Variants in MLC1 observed in about 807,000 individuals in gnomAD.
The protein encoded by MLC1 is membrane protein MLC1.
In MLC1, 32 loss-of-function variants were observed where a neutral mutation model predicts 44.7. The observed-to-expected ratio is 0.72, with a 90% CI of 0.54 to 0.96. The LOEUF is 0.96. Ranked by LOEUF, MLC1 falls within the 40% of genes least tolerant of loss-of-function variation. MLC1 has a pLI of 0.00. For synonymous variants in MLC1, 190 were observed against 213.0 expected (o/e 0.89, Z 0.94); for missense variants, 459 against 492.2 (o/e 0.93, Z 0.64).
rs781290681 is a variant in MLC1 at position 50,076,832 on chromosome 22, T to A, written c.597+9A>T. The stretch of plus-strand genomic sequence containing the variant: ...TGAGAGAAAAGAGAAAGAAGGGAAG[T>A]TTTCTTACTGAGTAAGATTTCAGGA... On this transcript the variant is annotated intron_variant, in intron 7 of 11. Coordinates refer to ENST00000311597, the MANE Select transcript of MLC1 (RefSeq NM_015166.4). 24 of 1,612,784 alleles carry A rather than the reference T, an allele frequency of 1.5e-5. No homozygotes were observed. The highest frequency in any genetic ancestry group is 2.0e-5 in the Non-Finnish European group (23 of 1,178,964).
intron 4 of MLC1, 117 bp downstream of exon 4, chr22:50,080,227 C>A: frequency 7.4e-7 from 1 of 1,359,626 alleles, no homozygotes; most frequent in Non-Finnish European, 1.0e-6. Context: ...ACCTCGGGGG[C>A]CCCTCTCGGT....
intron 10 of MLC1, 38 bp downstream of exon 10, chr22:50,068,395 C>T: frequency 6.2e-7 from 1 of 1,609,750 alleles, no homozygotes. Context: ...CGCAGAGCAC[C>T]ACATGTCTGG....
In MLC1 at chr22:50,080,365, G is replaced by C; in HGVS notation, c.300C>G (p.Val100=). 1 of 1,608,200 alleles carries C rather than the reference G, an allele frequency of 6.2e-7. No individual in the cohort carries two copies. Among genetic ancestry groups the C allele is most frequent in the East Asian group, 2.2e-5 (1 of 44,588 alleles). The change falls in exon 4 of 12, where the codon GTC becomes GTG. Residue 100 remains valine (V), a synonymous_variant. Coordinates refer to ENST00000311597, the MANE Select transcript of MLC1 (RefSeq NM_015166.4). ...CIPSAIVSFT[V]SRRNANVIPN... is the part of the protein sequence containing the mutation. The stretch of plus-strand genomic sequence containing the variant: ...TCACCACATTGGCGTTCCTCCTGGA[G>C]ACGGTGAAGCTCACAATTGCCGAGG...
At position 50,083,325 on chromosome 22, in the gene MLC1, G is replaced by C; in HGVS notation, c.178-152C>G. ...CCCGCACCTGGGACCCGCCCATCCTGGACTCCTCCTGTAGGACAGACGCAG... is the reference window on the plus strand; with the variant it reads ...CCCGCACCTGGGACCCGCCCATCCTCGACTCCTCCTGTAGGACAGACGCAG... On this transcript the variant is annotated intron_variant, in intron 2 of 11. Coordinates refer to ENST00000311597, the MANE Select transcript of MLC1 (RefSeq NM_015166.4). The surrounding 1 kb of genome is among the most constrained non-coding windows in gnomAD (Gnocchi z 4.6). 1.4e-6 allele frequency: 1 copy of C among 729,066 alleles called. No individual in the cohort carries two copies. The highest frequency in any genetic ancestry group is 2.4e-6 in the Non-Finnish European group (1 of 415,542). 45.2% of individuals were successfully genotyped at this position (729,066 alleles called of 1,614,324 possible).
At chr22:50,061,705 G>A (rs762746384) in intron 11 of MLC1, 48 bp from the exon 12 acceptor site, 28 of 1,559,168 alleles carry the variant, frequency 1.8e-5, no homozygotes, top group Middle Eastern at 1.7e-4. Context: ...CCACCTGTGC[G>A]GCGGGAAGGT....
At chr22:50,068,604 C>G (rs1397897156) in intron 9 of MLC1, 49 bp from the exon 10 acceptor site, 1 of 1,580,680 alleles carries the variant, frequency 6.3e-7, no homozygotes, top group Admixed American at 1.7e-5. Context: ...CCTGGGAGCC[C>G]AGGACAGCGG....
intron 3 of MLC1, 30 bp from the exon 4 acceptor site, chr22:50,080,427 G>A (rs761614543): frequency 3.2e-6 from 5 of 1,586,688 alleles, no homozygotes; most frequent in African/African-American, 1.3e-5. Flanking sequence ...CCATGAGCCT[G>A]CCGCTCACCT....
intron 9 of MLC1, 112 bp downstream of exon 9, chr22:50,070,415 C>T: frequency 9.4e-7 from 1 of 1,066,376 alleles, no homozygotes; most frequent in Non-Finnish European, 1.4e-6. Context: ...GCAGCCCAGT[C>T]ACTGCGCTCT....
intron 5 of MLC1, among the ~76,000 whole-genome samples, chr22:50,078,470 G>A (rs757066685): frequency 1.3e-5 from 2 of 151,658 alleles, no homozygotes; most frequent in African/African-American, 2.4e-5. Context: ...AGAGGGAGGC[G>A]GCTCACGCCT....
At chr22:50,067,971 C>CA (rs1364880546) in intron 10 of MLC1, among the ~76,000 whole-genome samples, 1 of 118,394 alleles carries the variant, frequency 8.4e-6, no homozygotes, top group East Asian at 2.3e-4. Flanking sequence ...AACAAAAAAA[C>CA]AAAAAAACAC....
At chr22:50,077,648 C>T (rs1239383055) in intron 5 of MLC1, 146 bp from the exon 6 acceptor site, 4 of 705,862 alleles carry the variant, frequency 5.7e-6, no homozygotes, top group African/African-American at 1.7e-5. Flanking sequence ...AGCTGTGAGG[C>T]ACTGTGGGCT....
intron 8 of MLC1, among the ~76,000 whole-genome samples, chr22:50,071,603 G>A (rs140070162): frequency 7.0e-4 from 106 of 152,282 alleles, no homozygotes; most frequent in African/African-American, 2.5e-3. Context: ...TGAGCCTTGG[G>A]GAGCCTCGGA....
At position 50,076,785 on chromosome 22, in the gene MLC1, C is replaced by T. The variant is rs1001969301; in HGVS notation, c.597+56G>A. The T allele has an allele frequency of 1.6e-5, 25 of 1,578,738 alleles. No individual in the cohort carries two copies. The African/African-American group carries it at 2.4e-4, about 15-fold the overall frequency. ...ATCGAAACGTGACGTTTAATCCAGC[C>T]TCAGTCACCCCCGACAGAGTATGAG... On this transcript the variant is annotated intron_variant, in intron 7 of 11. Coordinates refer to ENST00000311597, the MANE Select transcript of MLC1 (RefSeq NM_015166.4).
intron 10 of MLC1, among the ~76,000 whole-genome samples, chr22:50,066,017 A>G (rs2294385): frequency 0.93 from 140,969 of 152,202 alleles, 65,330 homozygotes; most frequent in African/African-American, 0.95. Context: ...TCGAGAAAAC[A>G]CCAGGATAAA....
upstream of MLC1, chr22:50,085,559 G>A (rs2062260479): frequency 6.4e-6 from 1 of 156,570 alleles, no homozygotes; most frequent in Admixed American, 6.1e-5. Flanking sequence ...CCTCGGAGCT[G>A]TCAGAACCCA....
chr22:50,068,908 G>T (rs1240806701), intron 9 of MLC1, among the ~76,000 whole-genome samples: 1 of 151,398 alleles, frequency 6.6e-6, no homozygotes, highest in Non-Finnish European at 1.5e-5. Flanking sequence ...TGTATTTTTA[G>T]TAGAGACCGT....
Position 50,060,699 on chromosome 22 carries a change from CAG to C in MLC1, c.*882_*883del, listed in dbSNP as rs2061543705. 8.1e-6 allele frequency: 1 copy of C among 123,958 alleles called. No individual in the cohort carries two copies. The highest frequency in any genetic ancestry group is 1.9e-5 in the Non-Finnish European group (1 of 53,130). The allele number at this position is 123,958 out of a possible 1,614,324, so 7.7% of individuals were successfully genotyped here. A position where few individuals can be genotyped will look rare whatever the true frequency, so the allele number is the denominator to read the frequency against. On this transcript the variant is annotated 3_prime_UTR_variant, in exon 12 of 12. Transcript: ENST00000311597. ...CCCCCAAGAACACTGCCTGTCACAG[CAG>C]CGGCCACGTGGCACTCCAAGCTGGG... is the stretch of plus-strand genomic sequence containing the variant.
intron 4 of MLC1, 73 bp downstream of exon 4, chr22:50,080,271 C>A: frequency 6.6e-7 from 1 of 1,514,962 alleles, no homozygotes; most frequent in South Asian, 1.2e-5. Flanking sequence ...CACACACAAG[C>A]ACACATGGGC....
intron 8 of MLC1, among the ~76,000 whole-genome samples, chr22:50,071,648 C>A (rs1602011925): frequency 6.6e-6 from 1 of 152,156 alleles, no homozygotes; most frequent in African/African-American, 2.4e-5. Context: ...GTGGACTGCC[C>A]CTTCCTGATG....
Sources: gnomAD v4.1 joint callset for allele counts (sites outside exome capture counted in the v4.1 genomes callset) on GRCh38, gnomAD v4.1.1 for gene constraint, Gnocchi (gnomAD v3.1) non-coding constraint, MANE v1.5 for transcripts, NCBI Gene and HGNC (gene_info 2026-07-23, HGNC 2026-07-21) for gene names.